Variants in ATRNL1 observed in about 807,000 individuals in gnomAD.
ATRNL1 encodes the protein attractin-like protein 1.
In ATRNL1, 95 loss-of-function variants were observed where a neutral mutation model predicts 182.7. The ratio of observed to expected loss-of-function variants is 0.52; its 90% confidence interval spans 0.44 to 0.62. The LOEUF is 0.62. ATRNL1 is among the 20% of genes least tolerant of loss of function. ATRNL1 has a pLI of 0.00. For synonymous variants in ATRNL1, 576 were observed against 568.3 expected, an observed-to-expected ratio of 1.01 and a Z score of -0.19; for missense variants, 1,471 against 1,679.5, an observed-to-expected ratio of 0.88 and a Z score of 2.17.
At chr10:115,482,978 G>T (rs558848955) in intron 24 of ATRNL1, among the ~76,000 whole-genome samples, 1 of 151,424 alleles carries the variant, frequency 6.6e-6, no homozygotes, top group Non-Finnish European at 1.5e-5. Context: ...TTTGCTAATA[G>T]AAGAGTATAT....
chr10:115,331,884 T>G (rs1223925626), intron 18 of ATRNL1, among the ~76,000 whole-genome samples: 1 of 152,120 alleles, frequency 6.6e-6, no homozygotes, highest in Non-Finnish European at 1.5e-5. Context: ...GAGATCAGGG[T>G]CAGACCCTCA....
At chr10:115,234,797 C>G (rs1173646654) in intron 9 of ATRNL1, among the ~76,000 whole-genome samples, 1 of 151,976 alleles carries the variant, frequency 6.6e-6, no homozygotes, top group African/African-American at 2.4e-5. Flanking sequence ...CTATGTTGCC[C>G]TGGCTGGTCT....
rs1222695731 is a variant in ATRNL1 at position 115,823,604 on chromosome 10, A to G, written c.3904-24273A>G. On this transcript the variant is annotated intron_variant, in intron 27 of 28. Transcript: ENST00000355044. ...GTCTCAAGATACAAAATAAATGTAC[A>G]AAACTCACAAGCATTCCATACACCA... Among the ~76,000 whole-genome samples, 33 of 152,350 alleles carry G rather than the reference A, an allele frequency of 2.2e-4. 1 individual carries two copies. Among genetic ancestry groups the G allele is most frequent in the Admixed American group, 2.2e-3 (33 of 15,304 alleles).
chr10:115,365,720 G>A (rs1388396716), intron 19 of ATRNL1, among the ~76,000 whole-genome samples: 2 of 151,634 alleles, frequency 1.3e-5, no homozygotes, highest in Admixed American at 1.3e-4. Flanking sequence ...GGTATGTTGT[G>A]TCTTTGTTCT....
At chr10:115,096,990 A>C (rs1322286925) in intron 1 of ATRNL1, among the ~76,000 whole-genome samples, 1 of 152,220 alleles carries the variant, frequency 6.6e-6, no homozygotes, top group Non-Finnish European at 1.5e-5. Flanking sequence ...AATGTTAAGC[A>C]AGAAAATATT....
At position 115,948,400 on chromosome 10, in the gene ATRNL1, T is replaced by C. The variant is rs2133659001; in HGVS notation, c.*3621T>C. 6.6e-6 allele frequency: 1 copy of C among 152,358 alleles called. No individual in the cohort carries two copies. The highest frequency in any genetic ancestry group is 1.5e-5 in the Non-Finnish European group (1 of 68,034). 9.4% of individuals were successfully genotyped at this position (152,358 alleles called of 1,614,324 possible). On this transcript the variant is annotated 3_prime_UTR_variant, in exon 29 of 29. Transcript: ENST00000355044. ...TAAAATGAAAACTGACCAAATGAAC[T>C]AATTCTACCCACCTATGGTCTTTTT... is the stretch of plus-strand genomic sequence containing the variant.
chr10:115,602,682 T>C (rs1184680117), intron 26 of ATRNL1, among the ~76,000 whole-genome samples: 1 of 151,990 alleles, frequency 6.6e-6, no homozygotes, highest in Admixed American at 6.6e-5. Context: ...GCTAACACGG[T>C]GAAACCCCGT....
intron 26 of ATRNL1, among the ~76,000 whole-genome samples, chr10:115,639,316 G>A (rs1195973533): frequency 6.6e-6 from 1 of 152,164 alleles, no homozygotes; most frequent in African/African-American, 2.4e-5. Flanking sequence ...GAATGAAAGG[G>A]AAACAAAAAC....
Position 115,370,090 on chromosome 10 carries a change from A to G in ATRNL1, c.3176-24569A>G, listed in dbSNP as rs371526423. 8.2e-4 allele frequency among the ~76,000 whole-genome samples: 125 copies of G among 152,268 alleles called. 2 individuals carry two copies. The South Asian group carries it at 0.025, about 31-fold the overall frequency. Reference sequence around the variant, plus strand: ...ATAAAGGGGAGTTTCCCTGCACAAAATCTTTTATCTTGTCTGCCACCATGT... The same window carrying G: ...ATAAAGGGGAGTTTCCCTGCACAAAGTCTTTTATCTTGTCTGCCACCATGT... On this transcript the variant is annotated intron_variant, in intron 19 of 28. Transcript: ENST00000355044.
intron 25 of ATRNL1, among the ~76,000 whole-genome samples, chr10:115,540,158 T>C (rs925131553): frequency 1.3e-4 from 20 of 151,514 alleles, no homozygotes; most frequent in Admixed American, 5.3e-4. Context: ...AATAAATATA[T>C]AGTGCTTTAT....
chr10:115,250,803 C>T (rs1050049478), intron 10 of ATRNL1, among the ~76,000 whole-genome samples: 2 of 152,158 alleles, frequency 1.3e-5, no homozygotes, highest in African/African-American at 2.4e-5. Flanking sequence ...AAGCATATGT[C>T]TTAAGAAGGT....
chr10:115,824,216 G>T (rs972380526), intron 27 of ATRNL1, among the ~76,000 whole-genome samples: 1 of 152,160 alleles, frequency 6.6e-6, no homozygotes, highest in Non-Finnish European at 1.5e-5. Context: ...GAGAAAACTG[G>T]CTAGCCATGT....
chr10:115,715,455 T>C (rs182705617), intron 26 of ATRNL1, among the ~76,000 whole-genome samples: 6 of 152,292 alleles, frequency 3.9e-5, no homozygotes, highest in African/African-American at 1.4e-4. Flanking sequence ...CCCTGGAATA[T>C]GAAAAAGCAA....
At chr10:115,105,335 C>T (rs566705910) in intron 1 of ATRNL1, among the ~76,000 whole-genome samples, 6 of 152,242 alleles carry the variant, frequency 3.9e-5, no homozygotes, top group Admixed American at 2.0e-4. Flanking sequence ...CAAGATGTGA[C>T]TTGGGTGCTG....
At chr10:115,688,255 C>CA (rs2133966022) in intron 26 of ATRNL1, among the ~76,000 whole-genome samples, 1 of 152,210 alleles carries the variant, frequency 6.6e-6, no homozygotes, top group Non-Finnish European at 1.5e-5. Flanking sequence ...GCTTTGCTAT[C>CA]ACGAACATTG....
intron 25 of ATRNL1, among the ~76,000 whole-genome samples, chr10:115,527,890 CCCTCCCTTCCTTCCTTCCTTCCTT>C (rs1851312848): frequency 1.5e-5 from 1 of 67,328 alleles, no homozygotes; most frequent in Admixed American, 1.4e-4. Flanking sequence ...CTCCCTCCTT[CCCTCCCTTCCTTCCTTCCTTCCTT>C]CCTCCCTTCC....
intron 28 of ATRNL1, among the ~76,000 whole-genome samples, chr10:115,933,278 T>G (rs1360743121): frequency 6.6e-6 from 1 of 152,262 alleles, no homozygotes; most frequent in African/African-American, 2.4e-5. Context: ...GCTTCTTCAC[T>G]AGTGTTTTTG....
intron 25 of ATRNL1, among the ~76,000 whole-genome samples, chr10:115,520,752 C>T (rs1349582907): frequency 1.3e-5 from 2 of 152,208 alleles, no homozygotes; most frequent in Admixed American, 6.5e-5. Flanking sequence ...TTTCCATTTA[C>T]AGCCCTTCAG....
chr10:115,506,401 G>T (rs982546147), intron 24 of ATRNL1, among the ~76,000 whole-genome samples: 4 of 152,062 alleles, frequency 2.6e-5, no homozygotes, highest in Non-Finnish European at 4.4e-5. Flanking sequence ...TATTGTAATG[G>T]TAAGGAGAAA....
Sources: allele counts gnomAD v4.1 joint callset (sites outside exome capture counted in the v4.1 genomes callset), GRCh38; gene constraint gnomAD v4.1.1; transcripts MANE v1.5; gene names NCBI Gene and HGNC (gene_info 2026-07-23, HGNC 2026-07-21).